MED16: variants seen among roughly 807,000 people sequenced by gnomAD.
The protein encoded by MED16 is mediator of RNA polymerase II transcription subunit 16.
MED16 carries 81 observed loss-of-function variants against 84.4 expected under a neutral mutation model. The ratio of observed to expected loss-of-function variants is 0.96; its 90% CI spans 0.80 to 1.15. The LOEUF is 1.15. Ranked by LOEUF, MED16 falls within the 50% of genes most tolerant of loss-of-function variation. MED16 has a pLI of 0.00. For missense variants in MED16, 1,585 were observed against 1,245.9 expected (o/e 1.27, Z -4.10); for synonymous variants, 897 against 552.2 (o/e 1.62, Z -8.76).
intron 11 of MED16, among the ~76,000 whole-genome samples, chr19:872,671 T>C (rs1401332530): frequency 2.7e-5 from 4 of 147,510 alleles, no homozygotes; most frequent in Admixed American, 6.7e-5. Flanking sequence ...GGGGGCGAGG[T>C]TGGAGCCCTG....
At chr19:882,687 G>A (rs2036444755) in intron 6 of MED16, among the ~76,000 whole-genome samples, 1 of 152,256 alleles carries the variant, frequency 6.6e-6, no homozygotes. Flanking sequence ...GTGGGAACCA[G>A]GAGAGCGCAG....
At chr19:881,840 G>T in intron 6 of MED16, 126 bp from the exon 7 acceptor site, 1 of 1,155,882 alleles carries the variant, frequency 8.7e-7, no homozygotes, top group Non-Finnish European at 1.2e-6. Context: ...ATGCCGCCCT[G>T]CTCCCATGCC....
intron 4 of MED16, among the ~76,000 whole-genome samples, chr19:888,233 A>G (rs1445132594): frequency 6.7e-6 from 1 of 149,126 alleles, no homozygotes; most frequent in Non-Finnish European, 1.5e-5. Context: ...AAAAAAGATA[A>G]AGGTCTGGCC....
chr19:871,518 C>G, intron 12 of MED16: 2 of 1,552,860 alleles, frequency 1.3e-6, no homozygotes, highest in South Asian at 2.3e-5. Context: ...AAGCACTGTG[C>G]CTTTTCCAGA....
intron 8 of MED16, among the ~76,000 whole-genome samples, chr19:879,170 T>C (rs2036348296): frequency 7.8e-6 from 1 of 127,818 alleles, no homozygotes. Flanking sequence ...GCAGCTCGCC[T>C]TCCCCTGGTT....
At chr19:881,189 T>C (rs995162673) in intron 7 of MED16, among the ~76,000 whole-genome samples, 2 of 152,160 alleles carry the variant, frequency 1.3e-5, no homozygotes, top group Admixed American at 1.3e-4. Context: ...GACTCACTCA[T>C]GGGCACGGAT....
At chr19:873,316 A>C in intron 11 of MED16, 133 bp downstream of exon 11, 2 of 665,740 alleles carry the variant, frequency 3.0e-6, no homozygotes, top group Non-Finnish European at 4.6e-6. Flanking sequence ...TAGGGGCGGG[A>C]CTCCAAGTAG....
Position 885,817 on chromosome 19 carries a change from G to A in MED16, c.832C>T (p.Pro278Ser), listed in dbSNP as rs1035949937. The A allele has an allele frequency of 1.9e-6, 3 of 1,613,184 alleles. No homozygotes were observed. The highest frequency in any genetic ancestry group is 1.7e-6 in the Non-Finnish European group (2 of 1,179,970). ...AGGAACTTGAGGTGGGTGATGGCGG[G>A]AAACTTGTCCTTGCGGTTGAGGTCG... is the stretch of plus-strand genomic sequence containing the variant. ...TTDLNRKDKFPAITHLKFLAR... is the reference protein window; with the variant it reads ...TTDLNRKDKFSAITHLKFLAR... The change falls in exon 5 of 16, where the codon CCC (proline) becomes TCC (serine). Residue 278 changes from proline to serine, a missense_variant. Coordinates refer to ENST00000325464, the MANE Select transcript of MED16 (RefSeq NM_005481.3).
intron 7 of MED16, 103 bp from the exon 8 acceptor site, chr19:880,251 T>TGG: frequency 1.8e-6 from 2 of 1,087,888 alleles, no homozygotes; most frequent in Non-Finnish European, 2.5e-6. Flanking sequence ...GGGCTGCCCA[T>TGG]CCAGGGGGTC....
chr19:884,944 C>A lies in MED16; in HGVS notation c.944G>T (p.Gly315Val). 6.2e-7 allele frequency: 1 copy of A among 1,609,660 alleles called. No homozygotes were observed. Among genetic ancestry groups the A allele is most frequent in the Non-Finnish European group, 8.5e-7 (1 of 1,179,266 alleles). ...IVECWSLRKE[G>V]LPVNNIFQQI... ...CTGGAAGATGTTGTTCACGGGGAGT[C>A]CCTCCTTGCGCAGGGACCAGCACTC... The change falls in exon 6 of 16, where the codon GGA becomes GTA. Residue 315 changes from glycine to valine, a missense_variant. Gly to Val is a moderately radical substitution (Grantham distance 109). Coordinates refer to ENST00000325464, the MANE Select transcript of MED16 (RefSeq NM_005481.3).
chr19:878,007 T>C (rs1423940277), intron 8 of MED16, among the ~76,000 whole-genome samples: 1 of 45,404 alleles, frequency 2.2e-5, no homozygotes, highest in Non-Finnish European at 3.9e-5. Flanking sequence ...CTTTCCGTGG[T>C]TGTCAACGCC....
At chr19:872,209 G>T (rs1209564295) in intron 11 of MED16, 91 bp from the exon 12 acceptor site, 1 of 1,063,294 alleles carries the variant, frequency 9.4e-7, no homozygotes, top group East Asian at 2.6e-5. Flanking sequence ...CCCCGACCGG[G>T]GGGCAATGGG....
Position 890,228 on chromosome 19 carries a change from G to C in MED16, c.186C>G (p.Ile62Met). 2 of 1,552,176 alleles carry C rather than the reference G, an allele frequency of 1.3e-6. No homozygotes were observed. Among genetic ancestry groups the C allele is most frequent in the Non-Finnish European group, 1.7e-6 (2 of 1,147,724 alleles). ...AGGGGTGCTCCGTGTCCAGGATGTG[G>C]ATCATGCGGGTCAGGTCTGTGGGGA... ...RSDDQDLTRMIHILDTEHPWD... is the reference protein window; with the variant it reads ...RSDDQDLTRMMHILDTEHPWD... The change falls in exon 3 of 16, where the codon ATC (isoleucine) becomes ATG (methionine). Residue 62 changes from isoleucine to methionine, a missense_variant. Physicochemically the swap from Ile to Met is conservative, Grantham distance 10 (BLOSUM62 1). Coordinates refer to ENST00000325464, the MANE Select transcript of MED16 (RefSeq NM_005481.3).
chr19:868,549 C>G lies in MED16; in HGVS notation c.2400-50G>C, dbSNP rs777099954. On this transcript the variant is annotated intron_variant, in intron 14 of 15. Transcript: ENST00000325464. ...GGTTCCCACTTCCAGGCGGGCCTCC[C>G]TTACGCCTGCCCCACTTTTGCTTCC... The G allele has an allele frequency of 1.9e-6, 3 of 1,595,084 alleles. No individual in the cohort carries two copies. In the South Asian group the frequency reaches 3.3e-5, roughly 18 times the overall value.
chr19:874,937 C>A (rs934084778), intron 10 of MED16, among the ~76,000 whole-genome samples: 1 of 151,450 alleles, frequency 6.6e-6, no homozygotes, highest in Non-Finnish European at 1.5e-5. Context: ...CCGAGGCGGG[C>A]GGATCATTTG....
intron 1 of MED16, 148 bp downstream of exon 1, chr19:892,923 CGCCCCGCGCCCCGCG>C (rs1568335847): frequency 2.1e-5 from 2 of 95,356 alleles, no homozygotes; most frequent in East Asian, 4.6e-4. Context: ...CCGCGCCCCG[CGCCCCGCGCCCCGCG>C]CCCCAGGCCG....
chr19:889,354 T>G (rs558016879), intron 4 of MED16, among the ~76,000 whole-genome samples: 13 of 151,752 alleles, frequency 8.6e-5, no homozygotes, highest in Admixed American at 7.9e-4. Flanking sequence ...GTGAAAGAGA[T>G]AACTCACTAA....
chr19:877,209 C>G lies in MED16; in HGVS notation c.1354-29G>C, dbSNP rs193048588. The G allele has an allele frequency of 7.6e-6, 12 of 1,585,742 alleles. No homozygotes were observed. The East Asian group carries it at 2.3e-4, about 30-fold the overall frequency. ...CCAGAGACAGAGCCCAAGGAGAGCC[C>G]GGTGAGATGGGGCTGCGCCCTCAGC... On this transcript the variant is annotated intron_variant, in intron 8 of 15. Transcript: ENST00000325464.
rs769177395 is a variant in MED16 at position 873,621 on chromosome 19, G to A, written c.1772-39C>T. 1.6e-5 allele frequency: 26 copies of A among 1,607,828 alleles called. No homozygotes were observed. The Admixed American group carries it at 2.5e-4, about 15-fold the overall frequency. On this transcript the variant is annotated intron_variant, in intron 10 of 15. Coordinates refer to ENST00000325464, the MANE Select transcript of MED16 (RefSeq NM_005481.3). ...TGGGTCGGGTCAGCTCGGGCCTCTTGTACACACAGGGTGACCTAACTGCAC... is the reference window on the plus strand; with the variant it reads ...TGGGTCGGGTCAGCTCGGGCCTCTTATACACACAGGGTGACCTAACTGCAC...
Sources: gnomAD v4.1 joint callset for allele counts (sites outside exome capture counted in the v4.1 genomes callset) on GRCh38, gnomAD v4.1.1 for gene constraint, MANE v1.5 for transcripts, NCBI Gene and HGNC (gene_info 2026-07-23, HGNC 2026-07-21) for gene names.